Variants in PRMT8 observed in about 807,000 individuals in gnomAD.
The protein encoded by PRMT8 is protein arginine methyltransferase 8, also known as protein arginine N-methyltransferase 8.
In PRMT8, 7 loss-of-function variants were observed where a neutral mutation model predicts 47.1. The observed-to-expected ratio is 0.15, with a 90% CI of 0.08 to 0.28. The LOEUF (loss-of-function observed/expected upper bound fraction) is 0.28, where lower values mean the gene tolerates loss of function less well. Ranked by LOEUF, PRMT8 falls within the 10% of genes least tolerant of loss-of-function variation. PRMT8 has a pLI of 1.00. For synonymous variants in PRMT8, 188 were observed against 186.5 expected (o/e 1.01, Z -0.07); for missense variants, 237 against 505.4 (o/e 0.47, Z 5.09).
At chr12:3,406,732 T>TA (rs1371347885) in intron 1 of PRMT8, among the ~76,000 whole-genome samples, 61 of 152,360 alleles carry the variant, frequency 4.0e-4, no homozygotes, top group African/African-American at 1.3e-3. Context: ...CAGTCAAAGC[T>TA]ATTCAACAAA....
intron 1 of PRMT8, among the ~76,000 whole-genome samples, chr12:3,421,424 TG>T (rs1027250665): frequency 2.0e-4 from 31 of 151,958 alleles, no homozygotes; most frequent in African/African-American, 6.8e-4. Context: ...TGCCGGGGGG[TG>T]GGGTGGTGGA....
At chr12:3,485,239 C>T (rs566048557) in intron 1 of PRMT8, among the ~76,000 whole-genome samples, 2 of 152,304 alleles carry the variant, frequency 1.3e-5, no homozygotes, top group African/African-American at 4.8e-5. Flanking sequence ...AGCCTTTCCC[C>T]AGGCATTGGA....
At chr12:3,419,606 T>C (rs1228563163) in intron 1 of PRMT8, among the ~76,000 whole-genome samples, 1 of 151,840 alleles carries the variant, frequency 6.6e-6, no homozygotes, top group African/African-American at 2.4e-5. Flanking sequence ...TAGTATTTGA[T>C]TTGCTCACTA....
intron 1 of PRMT8, among the ~76,000 whole-genome samples, chr12:3,386,813 G>A (rs1348766933): frequency 6.6e-6 from 1 of 151,508 alleles, no homozygotes; most frequent in Admixed American, 6.6e-5. Flanking sequence ...GGGTTCAAAC[G>A]ATTCTCCTGC....
At chr12:3,489,214 C>T (rs60609517), upstream of PRMT8, among the ~76,000 whole-genome samples, 1,816 of 152,178 alleles carry the variant, frequency 0.012, 39 homozygotes, top group African/African-American at 0.041. Flanking sequence ...AAGATTTCAA[C>T]AGCGAAAGGA....
chr12:3,483,524 C>G (rs1183018583), intron 1 of PRMT8, among the ~76,000 whole-genome samples: 1 of 152,038 alleles, frequency 6.6e-6, no homozygotes, highest in African/African-American at 2.4e-5. Context: ...GAGAGGTACG[C>G]TGGGATAAAC....
intron 1 of PRMT8, among the ~76,000 whole-genome samples, chr12:3,447,734 T>C (rs1340069829): frequency 6.6e-6 from 1 of 152,226 alleles, no homozygotes; most frequent in Admixed American, 6.5e-5. Flanking sequence ...ATTTCAGTCA[T>C]GATTACATTC....
At chr12:3,551,597 C>T (rs1260140073) in intron 3 of PRMT8, 1 of 152,304 alleles carries the variant, frequency 6.6e-6, no homozygotes, top group African/African-American at 2.4e-5. Flanking sequence ...GGAGGAGGCT[C>T]CCACTTGGCG....
intron 1 of PRMT8, among the ~76,000 whole-genome samples, chr12:3,446,816 C>T (rs545148465): frequency 8.5e-5 from 13 of 152,332 alleles, no homozygotes; most frequent in African/African-American, 2.6e-4. Flanking sequence ...TGATGTACCA[C>T]GCGGGGCCTC....
chr12:3,489,169 C>T (rs558572927), upstream of PRMT8, among the ~76,000 whole-genome samples: 9 of 152,218 alleles, frequency 5.9e-5, no homozygotes, highest in South Asian at 2.1e-4. Flanking sequence ...CAAAGGGAGA[C>T]GTGTCTGTGC....
In PRMT8 at chr12:3,569,051, G is replaced by A. The variant is rs568817010; in HGVS notation, c.624+203G>A. ...GTCCAGCATGTGTAACCATCAGAGTGGACTTCCGTGGGTCTCACCGCAGCC... is the reference window on the plus strand; with the variant it reads ...GTCCAGCATGTGTAACCATCAGAGTAGACTTCCGTGGGTCTCACCGCAGCC... On this transcript the variant is annotated intron_variant, in intron 5 of 9. Coordinates refer to ENST00000382622, the MANE Select transcript of PRMT8 (RefSeq NM_019854.5). The surrounding 1 kb of genome is among the most constrained non-coding windows in gnomAD (Gnocchi z 8.2). Among the ~76,000 whole-genome samples, 155 of 152,196 alleles carry A rather than the reference G, an allele frequency of 1.0e-3. No individual in the cohort carries two copies. Among genetic ancestry groups the A allele is most frequent in the Admixed American group, 3.2e-3 (49 of 15,296 alleles).
chr12:3,432,921 A>T (rs1864698378), intron 1 of PRMT8, among the ~76,000 whole-genome samples: 1 of 152,216 alleles, frequency 6.6e-6, no homozygotes, highest in Non-Finnish European at 1.5e-5. Context: ...CTATTCCCAG[A>T]AGAAATGGCC....
chr12:3,386,508 G>A (rs913432390), intron 1 of PRMT8, among the ~76,000 whole-genome samples: 5 of 152,116 alleles, frequency 3.3e-5, no homozygotes, highest in African/African-American at 1.2e-4. Flanking sequence ...GTCGCCATGT[G>A]GAATTGGTCA....
At chr12:3,451,463 T>G (rs760163627) in intron 1 of PRMT8, among the ~76,000 whole-genome samples, 19 of 152,192 alleles carry the variant, frequency 1.2e-4, no homozygotes, top group Non-Finnish European at 2.6e-4. Flanking sequence ...AAAGATCCTT[T>G]TTATGCTCAG....
At chr12:3,452,498 C>T (rs1454102725) in intron 1 of PRMT8, among the ~76,000 whole-genome samples, 4 of 152,164 alleles carry the variant, frequency 2.6e-5, no homozygotes, top group South Asian at 2.1e-4. Flanking sequence ...GCGGTCTCCT[C>T]GGAAGCTGCC....
chr12:3,522,226 C>A (rs969818089), intron 1 of PRMT8, among the ~76,000 whole-genome samples: 2 of 152,030 alleles, frequency 1.3e-5, no homozygotes, highest in African/African-American at 4.8e-5. Context: ...AACTCAAAAA[C>A]CAATTTAAAA....
At chr12:3,387,175 C>T (rs369065096) in intron 1 of PRMT8, among the ~76,000 whole-genome samples, 2 of 152,324 alleles carry the variant, frequency 1.3e-5, no homozygotes, top group East Asian at 3.9e-4. Context: ...TGCAATAGGG[C>T]CTGCCTTCTC....
intron 1 of PRMT8, among the ~76,000 whole-genome samples, chr12:3,389,342 C>T (rs751573958): frequency 6.6e-5 from 10 of 152,120 alleles, no homozygotes; most frequent in South Asian, 2.1e-4. Flanking sequence ...ATGCTTATCG[C>T]GCTGCAAAAT....
At chr12:3,415,958 C>T (rs1237115551) in intron 1 of PRMT8, among the ~76,000 whole-genome samples, 2 of 152,176 alleles carry the variant, frequency 1.3e-5, no homozygotes, top group African/African-American at 4.8e-5. Flanking sequence ...CTAGGGCTGC[C>T]TGTGCAGGAT....
Sources: allele counts gnomAD v4.1 joint callset (sites outside exome capture counted in the v4.1 genomes callset), GRCh38; gene constraint gnomAD v4.1.1; non-coding constraint Gnocchi (gnomAD v3.1); transcripts MANE v1.5; gene names NCBI Gene and HGNC (gene_info 2026-07-23, HGNC 2026-07-21).